The following NTM variants were observed in gnomAD, a reference collection of about 807,000 sequenced individuals.
NTM encodes the protein IgLON family member 2.
NTM carries 13 observed loss-of-function variants against 42.1 expected under a neutral mutation model. That is an observed-to-expected ratio of 0.31 (90% CI 0.20 to 0.49). NTM has a LOEUF of 0.49. NTM is among the 20% of genes least tolerant of loss of function. The pLI is 0.99. For synonymous variants in NTM, 187 were observed against 179.2 expected, an observed-to-expected ratio of 1.04 and a Z score of -0.35; for missense variants, 373 against 452.8, an observed-to-expected ratio of 0.82 and a Z score of 1.60.
intron 1 of NTM, among the ~76,000 whole-genome samples, chr11:131,477,445 C>A (rs1286713430): frequency 6.6e-6 from 1 of 151,588 alleles, no homozygotes; most frequent in Non-Finnish European, 1.5e-5. Flanking sequence ...CTAATATGAA[C>A]CAGGTCCTCT....
intron 1 of NTM, among the ~76,000 whole-genome samples, chr11:131,665,536 G>A (rs569761554): frequency 1.3e-5 from 2 of 152,318 alleles, no homozygotes; most frequent in South Asian, 2.1e-4. Context: ...AAGCGATTGG[G>A]ACACAGCACA....
chr11:131,904,780 G>C (rs1358153279), intron 1 of NTM, among the ~76,000 whole-genome samples: 1 of 152,176 alleles, frequency 6.6e-6, no homozygotes, highest in Non-Finnish European at 1.5e-5. Flanking sequence ...AGAGAAAGCT[G>C]CCTCCTCTTT....
intron 4 of NTM, among the ~76,000 whole-genome samples, chr11:132,230,948 G>T (rs1270560925): frequency 6.6e-6 from 1 of 152,210 alleles, no homozygotes; most frequent in Non-Finnish European, 1.5e-5. Flanking sequence ...GGGGGTCGAG[G>T]CTGCAGTGAG....
intron 1 of NTM, among the ~76,000 whole-genome samples, chr11:131,523,782 C>CAAAAAAAAAAA (rs3040114): frequency 6.9e-5 from 5 of 72,184 alleles, no homozygotes; most frequent in African/African-American, 1.0e-4. Context: ...GACTCCATCT[C>CAAAAAAAAAAA]AAAAAAAAAA....
intron 4 of NTM, among the ~76,000 whole-genome samples, chr11:132,220,933 G>A (rs1053986846): frequency 3.9e-5 from 6 of 152,120 alleles, no homozygotes; most frequent in Non-Finnish European, 8.8e-5. Context: ...AGTCAGCACC[G>A]CCTGGGAGTA....
intron 2 of NTM, among the ~76,000 whole-genome samples, chr11:131,930,434 A>G (rs2058468339): frequency 6.6e-6 from 1 of 152,202 alleles, no homozygotes; most frequent in Admixed American, 6.5e-5. Flanking sequence ...TGCTTCCTCG[A>G]GGAGCACAAT....
intron 1 of NTM, among the ~76,000 whole-genome samples, chr11:131,599,058 G>A (rs1404150747): frequency 6.6e-6 from 1 of 151,828 alleles, no homozygotes; most frequent in African/African-American, 2.4e-5. Flanking sequence ...GGGATTACAG[G>A]CGTGTGCCAC....
At chr11:132,072,953 C>A (rs778097941) in intron 2 of NTM, among the ~76,000 whole-genome samples, 17 of 152,178 alleles carry the variant, frequency 1.1e-4, no homozygotes, top group Non-Finnish European at 2.2e-4. Flanking sequence ...GAAAGTTACT[C>A]TATGGCCAGA....
At position 131,887,366 on chromosome 11, in the gene NTM, C is replaced by G. The variant is rs1275719297; in HGVS notation, c.83-24198C>G. Among the ~76,000 whole-genome samples the G allele has an allele frequency of 5.9e-5, 9 of 152,306 alleles. No individual in the cohort carries two copies. In the East Asian group the frequency reaches 1.5e-3, roughly 26 times the overall value. ...AAACAAAACAGGAAATTCAGTGAAT[C>G]CTGATTTCTAACACAATGAAACCCA... On this transcript the variant is annotated intron_variant, in intron 1 of 8. Coordinates refer to ENST00000683400, the MANE Select transcript of NTM (RefSeq NM_001352005.2).
chr11:132,159,383 T>C lies in NTM; in HGVS notation c.400+12869T>C, dbSNP rs190354912. Reference sequence around the variant, plus strand: ...TCAATGGAATTTAAAGTTGACACCTTTGTAAAAGTTTCAAGTTTATATATT... The same window carrying C: ...TCAATGGAATTTAAAGTTGACACCTCTGTAAAAGTTTCAAGTTTATATATT... On this transcript the variant is annotated intron_variant, in intron 3 of 8. Coordinates refer to ENST00000683400, the MANE Select transcript of NTM (RefSeq NM_001352005.2). Among the ~76,000 whole-genome samples the C allele has an allele frequency of 5.0e-3, 759 of 152,308 alleles. 1 individual carries two copies. Among genetic ancestry groups the C allele is most frequent in the South Asian group, 9.1e-3 (44 of 4,820 alleles).
chr11:131,572,454 A>T lies in NTM; in HGVS notation c.82+201566A>T, dbSNP rs576740895. On this transcript the variant is annotated intron_variant, in intron 1 of 8. Coordinates refer to ENST00000683400, the MANE Select transcript of NTM (RefSeq NM_001352005.2). Reference sequence around the variant, plus strand: ...GTCCCAATCTTCCCATCCAGGCTGGATGTTACCATTTTCCCCATCCCTGCT... The same window carrying T: ...GTCCCAATCTTCCCATCCAGGCTGGTTGTTACCATTTTCCCCATCCCTGCT... Among the ~76,000 whole-genome samples the T allele has an allele frequency of 2.6e-5, 4 of 152,246 alleles. No individual in the cohort carries two copies. In the East Asian group the frequency reaches 7.7e-4, roughly 29 times the overall value.
chr11:131,599,774 C>T (rs558998267), intron 1 of NTM, among the ~76,000 whole-genome samples: 1 of 152,290 alleles, frequency 6.6e-6, no homozygotes, highest in South Asian at 2.1e-4. Context: ...TGGAGTATGT[C>T]AGGAAAGGCT....
chr11:131,565,706 A>G (rs1402237821), intron 1 of NTM, among the ~76,000 whole-genome samples: 4 of 152,198 alleles, frequency 2.6e-5, no homozygotes, highest in African/African-American at 9.6e-5. Context: ...GTTGAGCTAG[A>G]AAGATGTCTG....
At chr11:131,756,811 A>G (rs1019806845) in intron 1 of NTM, among the ~76,000 whole-genome samples, 1 of 152,228 alleles carries the variant, frequency 6.6e-6, no homozygotes, top group Non-Finnish European at 1.5e-5. Flanking sequence ...ACCATAACAC[A>G]TAGTCCTAGG....
chr11:131,978,652 A>G (rs1297145151), intron 2 of NTM, among the ~76,000 whole-genome samples: 2 of 152,124 alleles, frequency 1.3e-5, no homozygotes, highest in East Asian at 1.9e-4. Context: ...ATGGAACACT[A>G]TCAGAACTCA....
At chr11:132,155,555 G>A (rs1465467651) in intron 3 of NTM, among the ~76,000 whole-genome samples, 1 of 152,196 alleles carries the variant, frequency 6.6e-6, no homozygotes, top group Non-Finnish European at 1.5e-5. Flanking sequence ...ATTGCTCCTG[G>A]CTTTCTGGCC....
At chr11:132,078,136 A>G (rs2058597194) in intron 2 of NTM, among the ~76,000 whole-genome samples, 2 of 152,192 alleles carry the variant, frequency 1.3e-5, no homozygotes, top group Non-Finnish European at 2.9e-5. Flanking sequence ...CACTAAACCA[A>G]ATGGACACAT....
intron 2 of NTM, among the ~76,000 whole-genome samples, chr11:132,026,872 T>C (rs896772920): frequency 5.3e-5 from 8 of 152,200 alleles, no homozygotes; most frequent in African/African-American, 1.9e-4. Flanking sequence ...TAGATGACTT[T>C]AGGATGCAGT....
intron 1 of NTM, among the ~76,000 whole-genome samples, chr11:131,472,759 A>G (rs996623646): frequency 1.3e-5 from 2 of 152,158 alleles, no homozygotes; most frequent in African/African-American, 2.4e-5. Flanking sequence ...AGTATTTAGC[A>G]TACCCACTTG....
Sources: allele counts gnomAD v4.1 joint callset (sites outside exome capture counted in the v4.1 genomes callset), GRCh38; gene constraint gnomAD v4.1.1; transcripts MANE v1.5; gene names NCBI Gene and HGNC (gene_info 2026-07-23, HGNC 2026-07-21).